Variants in ABCC8 observed in about 807,000 individuals in gnomAD.
ABCC8 encodes ATP-binding cassette sub-family C member 8.
A neutral mutation model predicts 188.0 loss-of-function variants in ABCC8; 137 were observed. The observed-to-expected ratio is 0.73, with a 90% CI of 0.63 to 0.84. The LOEUF is 0.84. Among genes scored for constraint, ABCC8 ranks in the 40% least tolerant of loss-of-function variants. The pLI, the probability that ABCC8 is intolerant of heterozygous loss-of-function variation, is 0.00. For missense variants in ABCC8, 1,750 were observed against 2,072.7 expected, an observed-to-expected ratio of 0.84 and a Z score of 3.02; for synonymous variants, 797 against 846.5, an observed-to-expected ratio of 0.94 and a Z score of 1.01.
At chr11:17,428,854 A>C (rs1955718311) in intron 12 of ABCC8, 184 bp from the exon 13 acceptor site, 1 of 1,094,612 alleles carries the variant, frequency 9.1e-7, no homozygotes, top group African/African-American at 1.6e-5. Flanking sequence ...AGGGTTTGCT[A>C]GGGTTGACCA....
chr11:17,396,026 C>T (rs1223607552), intron 33 of ABCC8, 96 bp from the exon 34 acceptor site: 21 of 1,537,410 alleles, frequency 1.4e-5, no homozygotes, highest in Non-Finnish European at 1.8e-5. Context: ...TGTGGGAGGT[C>T]ACAGGGTATC....
At position 17,404,641 on chromosome 11, in the gene ABCC8, C is replaced by T; in HGVS notation, c.3428G>A (p.Ser1143Asn). 3.1e-6 allele frequency: 5 copies of T among 1,612,476 alleles called. No individual in the cohort carries two copies. Among genetic ancestry groups the T allele is most frequent in the Non-Finnish European group, 3.4e-6 (4 of 1,179,532 alleles). ...QHIPSTLECL[S>N]RSTLLCVSAL... ...TGAGACACAGAGCAGGGTGGAGCGGCTCAGGCACTCCAGCGTGGATGGGAT... is the reference window on the plus strand; with the variant it reads ...TGAGACACAGAGCAGGGTGGAGCGGTTCAGGCACTCCAGCGTGGATGGGAT... Residue 1143 changes from serine (S) to asparagine (N), a missense_variant, in exon 28 of 39, where the codon AGC becomes AAC. Ser to Asn is a conservative substitution (Grantham distance 46, BLOSUM62 1). Coordinates refer to ENST00000389817, the MANE Select transcript of ABCC8 (RefSeq NM_000352.6). The surrounding 1 kb of genome is among the most constrained non-coding windows in gnomAD (Gnocchi z 4.7).
chr11:17,433,400 C>G (rs938568247), intron 10 of ABCC8, among the ~76,000 whole-genome samples: 8 of 152,244 alleles, frequency 5.3e-5, no homozygotes, highest in African/African-American at 1.9e-4. Flanking sequence ...ATGGCAAAGT[C>G]TTGGACACTC....
intron 35 of ABCC8, 106 bp downstream of exon 35, chr11:17,395,504 A>G: frequency 6.7e-7 from 1 of 1,487,586 alleles, no homozygotes; most frequent in Non-Finnish European, 9.0e-7. Context: ...AGCAGGAAAC[A>G]CCTCTGGGAT....
chr11:17,428,250 T>A, intron 14 of ABCC8, 39 bp downstream of exon 14: 2 of 1,613,400 alleles, frequency 1.2e-6, no homozygotes, highest in Non-Finnish European at 1.7e-6. Context: ...CCTCTGGGAG[T>A]TGGTGCTGGG....
intron 10 of ABCC8, among the ~76,000 whole-genome samples, chr11:17,438,128 A>G (rs1956178397): frequency 2.0e-5 from 3 of 152,138 alleles, no homozygotes; most frequent in Admixed American, 2.0e-4. Context: ...AAGAATTTCA[A>G]AGATGCTGGG....
intron 11 of ABCC8, 45 bp from the exon 12 acceptor site, chr11:17,431,004 G>T: frequency 1.2e-6 from 2 of 1,606,692 alleles, no homozygotes. Context: ...CCAGGGTGTG[G>T]GTCCCTCCCA....
chr11:17,418,024 T>A (rs1955166573), intron 16 of ABCC8, among the ~76,000 whole-genome samples: 1 of 152,202 alleles, frequency 6.6e-6, no homozygotes, highest in Non-Finnish European at 1.5e-5. Flanking sequence ...CCTAAAGTGC[T>A]GGGATTACTG....
In ABCC8 at chr11:17,471,689, G is replaced by A. The variant is rs1043847404; in HGVS notation, c.291-1467C>T. Among the ~76,000 whole-genome samples the A allele has an allele frequency of 2.0e-5, 3 of 152,236 alleles. No homozygotes were observed. In the South Asian group the frequency reaches 6.2e-4, roughly 31 times the overall value. On this transcript the variant is annotated intron_variant, in intron 2 of 38. Coordinates refer to ENST00000389817, the MANE Select transcript of ABCC8 (RefSeq NM_000352.6). ...TCGGCAGCATGCCCTCTCTGCTCAT[G>A]CTAAGCAATACCCGGAGCTAGGCAG...
chr11:17,466,398 C>CAAAAAA (rs747797902), intron 3 of ABCC8, among the ~76,000 whole-genome samples: 2 of 49,852 alleles, frequency 4.0e-5, no homozygotes, highest in Non-Finnish European at 8.4e-5. Context: ...GACTCCATCT[C>CAAAAAA]AAAAAAAAAA....
At position 17,428,271 on chromosome 11, in the gene ABCC8, T is replaced by A. The variant is rs1564924073; in HGVS notation, c.2040+18A>T. The A allele has an allele frequency of 1.9e-6, 3 of 1,614,030 alleles. No homozygotes were observed. Among genetic ancestry groups the A allele is most frequent in the Non-Finnish European group, 2.5e-6 (3 of 1,180,034 alleles). On this transcript the variant is annotated intron_variant, in intron 14 of 38. Coordinates refer to ENST00000389817, the MANE Select transcript of ABCC8 (RefSeq NM_000352.6). ...GGAGTTGGTGCTGGGTGGCCAGGCA[T>A]GGGGCAGCAGGACTCACCTGGACAC...
intron 33 of ABCC8, 200 bp from the exon 34 acceptor site, chr11:17,396,130 C>T (rs548468385): frequency 5.9e-5 from 76 of 1,288,998 alleles, no homozygotes; most frequent in African/African-American, 4.8e-4. Context: ...ACACAGGGAC[C>T]GGCACGCAAG....
chr11:17,453,196 G>A lies in ABCC8; in HGVS notation c.1099C>T (p.Leu367=), dbSNP rs745500078. ...GCTTGCAGAAATGTCCTTTGCAGTA[G>A]GAGGGCAAGGAACAGAAGCACAGCT... ...VLAVLLFLAL[L]LQRTFLQASY... The change falls in exon 7 of 39, where the codon CTA becomes TTA. Residue 367 remains leucine (L), a synonymous_variant. Transcript: ENST00000389817. 3 of 1,614,126 alleles carry A rather than the reference G, an allele frequency of 1.9e-6. 1 individual carries two copies. The South Asian group carries it at 3.3e-5, about 18-fold the overall frequency.
At chr11:17,455,123 A>T (rs947611764) in intron 6 of ABCC8, among the ~76,000 whole-genome samples, 1 of 152,226 alleles carries the variant, frequency 6.6e-6, no homozygotes, top group African/African-American at 2.4e-5. Context: ...GAACACAGAC[A>T]TTTATTTTGG....
At position 17,425,568 on chromosome 11, in the gene ABCC8, G is replaced by A. The variant is rs1005503149; in HGVS notation, c.2222+1481C>T. Among the ~76,000 whole-genome samples, 10 of 152,290 alleles carry A rather than the reference G, an allele frequency of 6.6e-5. No individual in the cohort carries two copies. In the South Asian group the frequency reaches 8.3e-4, roughly 13 times the overall value. On this transcript the variant is annotated intron_variant, in intron 16 of 38. Transcript: ENST00000389817. ...TTTCCCTTGGCTACCAGAGGGCACA[G>A]AGCCAGGTTTTATGTTGATGGCTGT...
At chr11:17,424,065 A>G (rs1955473437) in intron 16 of ABCC8, among the ~76,000 whole-genome samples, 2 of 152,216 alleles carry the variant, frequency 1.3e-5, no homozygotes, top group Non-Finnish European at 1.5e-5. Context: ...TTAGGCAGGA[A>G]CAGAAAACCA....
rs186634115 is a variant in ABCC8, at chr11:17,405,548, C to T, written c.3345G>A (p.Thr1115=). The change falls in exon 27 of 39, where the codon ACG becomes ACA. Residue 1115 remains threonine, a synonymous_variant. Transcript: ENST00000389817. ...ATCTGTTCAGGATGCTCCCAAGGGG[C>T]GTGGTCTCAAAAAACCTAAGAGGCA... is the stretch of plus-strand genomic sequence containing the variant. The part of the protein sequence containing the change: ...ILAPMRFFET[T]PLGSILNRFS... The T allele has an allele frequency of 7.4e-5, 119 of 1,614,226 alleles. No individual in the cohort carries two copies. The East Asian group carries it at 2.0e-3, about 28-fold the overall frequency.
intron 36 of ABCC8, 29 bp downstream of exon 36, chr11:17,395,143 A>G: frequency 6.4e-7 from 1 of 1,554,932 alleles, no homozygotes; most frequent in Non-Finnish European, 8.7e-7. Context: ...GTGCCCAACC[A>G]ACCCAGCTGC....
intron 10 of ABCC8, chr11:17,436,286 G>A: frequency 2.5e-6 from 1 of 403,742 alleles, no homozygotes; most frequent in South Asian, 2.3e-5. Flanking sequence ...GACCTGGGAA[G>A]TCTGGGGTTG....
Sources: allele counts gnomAD v4.1 joint callset (sites outside exome capture counted in the v4.1 genomes callset), GRCh38; gene constraint gnomAD v4.1.1; non-coding constraint Gnocchi (gnomAD v3.1); transcripts MANE v1.5; gene names NCBI Gene and HGNC (gene_info 2026-07-23, HGNC 2026-07-21).